RARA: variants seen among roughly 807,000 people sequenced by gnomAD.
The protein encoded by RARA is retinoic acid receptor alpha.
RARA carries 5 observed loss-of-function variants against 42.8 expected under a neutral mutation model. The ratio of observed to expected loss-of-function variants is 0.12; its 90% CI spans 0.06 to 0.25. RARA has a LOEUF of 0.25. Ranked by LOEUF, RARA falls within the 10% of genes least tolerant of loss-of-function variation. The probability of loss-of-function intolerance (pLI) is 1.00; values close to 1 mark genes in which losing one functional copy is unlikely to be tolerated. For missense variants in RARA, 402 were observed against 628.7 expected, an observed-to-expected ratio of 0.64 and a Z score of 3.86; for synonymous variants, 256 against 259.5, an observed-to-expected ratio of 0.99 and a Z score of 0.13.
At chr17:40,327,449 G>A (rs2033578345) in intron 1 of RARA, among the ~76,000 whole-genome samples, 1 of 152,242 alleles carries the variant, frequency 6.6e-6, no homozygotes, top group African/African-American at 2.4e-5. Context: ...GGGCCCACAG[G>A]GAGGACCTCA....
At chr17:40,333,281 C>T (rs1180026142) in intron 2 of RARA, among the ~76,000 whole-genome samples, 1 of 152,170 alleles carries the variant, frequency 6.6e-6, no homozygotes, top group East Asian at 1.9e-4. Flanking sequence ...AACTCCTGAC[C>T]TCATGATCCG....
At chr17:40,312,481 C>T (rs1394675387) in intron 1 of RARA, among the ~76,000 whole-genome samples, 2 of 152,222 alleles carry the variant, frequency 1.3e-5, no homozygotes, top group Non-Finnish European at 2.9e-5. Context: ...GCGAGAAAGG[C>T]TGCAGGGACT....
At chr17:40,325,498 G>A (rs985900778) in intron 1 of RARA, among the ~76,000 whole-genome samples, 28 of 152,166 alleles carry the variant, frequency 1.8e-4, no homozygotes, top group African/African-American at 6.8e-4. Flanking sequence ...GCGCTGGGGA[G>A]GGGAGAGGTT....
intron 1 of RARA, among the ~76,000 whole-genome samples, chr17:40,315,136 A>ATG (rs1386918308): frequency 2.1e-5 from 1 of 47,546 alleles, no homozygotes; most frequent in Non-Finnish European, 4.1e-5. Flanking sequence ...ATATGTGTAT[A>ATG]TATATATATA....
chr17:40,353,926 C>T (rs1490325658), intron 6 of RARA, among the ~76,000 whole-genome samples: 1 of 152,184 alleles, frequency 6.6e-6, no homozygotes, highest in Non-Finnish European at 1.5e-5. Flanking sequence ...CCCAGTGTTC[C>T]TTAGCTCCTA....
Position 40,349,793 on chromosome 17 carries a change from C to A in RARA, c.337C>A (p.Arg113Ser). 6.2e-7 allele frequency: 1 copy of A among 1,614,132 alleles called. No individual in the cohort carries two copies. The part of the protein sequence containing the change: ...SACEGCKGFF[R>S]RSIQKNMVYT... ...TCCCCTCCATACCCAGGGCTTCTTCCGCCGCAGCATCCAGAAGAACATGGT... is the reference window on the plus strand; with the variant it reads ...TCCCCTCCATACCCAGGGCTTCTTCAGCCGCAGCATCCAGAAGAACATGGT... The change falls in exon 4 of 9, where the codon CGC becomes AGC. Residue 113 changes from arginine (R) to serine (S), a missense_variant. Arg to Ser is a moderately radical substitution (Grantham distance 110). Coordinates refer to ENST00000254066, the MANE Select transcript of RARA (RefSeq NM_000964.4).
At position 40,345,834 on chromosome 17, in the gene RARA, G is replaced by A. The variant is rs1198837851; in HGVS notation, c.179-2482G>A. ...GTCCTAACTCTTGCAGAGGCTGTGA[G>A]GATTCCGGAGTTCCCCACACCTCCG... On this transcript the variant is annotated intron_variant, in intron 2 of 8. Transcript: ENST00000254066. This position sits in a 1 kb window ranked among gnomAD's most constrained non-coding sequence, Gnocchi z 4.8. 6.6e-6 allele frequency among the ~76,000 whole-genome samples: 1 copy of A among 152,184 alleles called. No homozygotes were observed. Among genetic ancestry groups the A allele is most frequent in the Non-Finnish European group, 1.5e-5 (1 of 68,018 alleles).
intron 2 of RARA, among the ~76,000 whole-genome samples, chr17:40,339,095 G>A (rs975169384): frequency 6.6e-6 from 1 of 152,198 alleles, no homozygotes; most frequent in South Asian, 2.1e-4. Context: ...GTTAGGCCAC[G>A]GTCGCCTGCT....
chr17:40,341,099 A>G (rs1369788331), intron 2 of RARA: 1 of 402,972 alleles, frequency 2.5e-6, no homozygotes, highest in Non-Finnish European at 4.4e-6. Context: ...CTCCAGGGGT[A>G]TCCCCTCTTT....
At position 40,354,875 on chromosome 17, in the gene RARA, A is replaced by G. The variant is rs933371043; in HGVS notation, c.1012+369A>G. ...ATTACGGTGGTAACAGATACTGTGCAGGTGCCCAGAGCGAGCTCCAGTGCT... is the reference window on the plus strand; with the variant it reads ...ATTACGGTGGTAACAGATACTGTGCGGGTGCCCAGAGCGAGCTCCAGTGCT... On this transcript the variant is annotated intron_variant, in intron 7 of 8. Transcript: ENST00000254066. This position sits in a 1 kb window ranked among gnomAD's most constrained non-coding sequence, Gnocchi z 4.5. Among the ~76,000 whole-genome samples the G allele has an allele frequency of 1.3e-5, 2 of 152,198 alleles. No homozygotes were observed. The highest frequency in any genetic ancestry group is 4.8e-5 in the African/African-American group (2 of 41,436).
chr17:40,334,620 G>A (rs1190917633), intron 2 of RARA, among the ~76,000 whole-genome samples: 1 of 152,232 alleles, frequency 6.6e-6, no homozygotes, highest in Non-Finnish European at 1.5e-5. Flanking sequence ...CTGGTGCTGA[G>A]GGTGAGGCAG....
chr17:40,347,738 ACT>A (rs2034312946), intron 2 of RARA, among the ~76,000 whole-genome samples: 1 of 146,348 alleles, frequency 6.8e-6, no homozygotes, highest in South Asian at 2.1e-4. Context: ...AGCATTTGTG[ACT>A]CTTCTTTGCA....
In RARA at chr17:40,345,503, C is replaced by T. The variant is rs1330986032; in HGVS notation, c.179-2813C>T. On this transcript the variant is annotated intron_variant, in intron 2 of 8. Transcript: ENST00000254066. The surrounding 1 kb of genome is among the most constrained non-coding windows in gnomAD (Gnocchi z 4.8). Reference sequence around the variant, plus strand: ...CGAACGGCTCGGGGGCGTGGGGAATCCGGAGTGGAGCGCTCTGCGCCGCCC... The same window carrying T: ...CGAACGGCTCGGGGGCGTGGGGAATTCGGAGTGGAGCGCTCTGCGCCGCCC... Among the ~76,000 whole-genome samples the T allele has an allele frequency of 6.6e-6, 1 of 152,204 alleles. No individual in the cohort carries two copies. Among genetic ancestry groups the T allele is most frequent in the Admixed American group, 6.5e-5 (1 of 15,288 alleles).
chr17:40,346,872 G>C (rs569109678), intron 2 of RARA, among the ~76,000 whole-genome samples: 6 of 152,348 alleles, frequency 3.9e-5, no homozygotes, highest in African/African-American at 1.4e-4. Flanking sequence ...GGCCATAGCA[G>C]TGCTGGTCAG....
intron 2 of RARA, chr17:40,342,618 T>C: frequency 1.3e-6 from 2 of 1,512,816 alleles, no homozygotes; most frequent in Non-Finnish European, 1.8e-6. Context: ...CTCCCCCAGC[T>C]GCTCTGCTCG....
chr17:40,325,008 T>A (rs2033496253), intron 1 of RARA, among the ~76,000 whole-genome samples: 1 of 151,836 alleles, frequency 6.6e-6, no homozygotes, highest in South Asian at 2.1e-4. Flanking sequence ...ATCCCAGCAC[T>A]TTGGGAGGCC....
Position 40,357,264 on chromosome 17 carries a change from C to T in RARA, c.*1038C>T. ...TGAAGGGGCTGGCCAGGGGCCCGAG[C>T]TGCCCCCACCCCCGGCCTCAGCCAC... On this transcript the variant is annotated 3_prime_UTR_variant, in exon 9 of 9. Coordinates refer to ENST00000254066, the MANE Select transcript of RARA (RefSeq NM_000964.4). 4.2e-6 allele frequency: 1 copy of T among 237,096 alleles called. No homozygotes were observed. Among genetic ancestry groups the T allele is most frequent in the Non-Finnish European group, 8.3e-6 (1 of 120,458 alleles). 14.7% of individuals were successfully genotyped at this position (237,096 alleles called of 1,614,324 possible). A position where few individuals can be genotyped will look rare whatever the true frequency, so the allele number is the denominator to read the frequency against.
At chr17:40,319,277 C>T (rs995906452) in intron 1 of RARA, among the ~76,000 whole-genome samples, 3 of 152,116 alleles carry the variant, frequency 2.0e-5, no homozygotes, top group African/African-American at 7.2e-5. Context: ...AGACAGGCCT[C>T]CAGTGTGCTA....
chr17:40,325,296 T>TAAATAAAA (rs1555570457), intron 1 of RARA, among the ~76,000 whole-genome samples: 77 of 149,312 alleles, frequency 5.2e-4, no homozygotes, highest in African/African-American at 1.2e-3. Flanking sequence ...AATAAATAAA[T>TAAATAAAA]AAAAAGAGGC....
Sources: allele counts gnomAD v4.1 joint callset (sites outside exome capture counted in the v4.1 genomes callset), GRCh38; gene constraint gnomAD v4.1.1; non-coding constraint Gnocchi (gnomAD v3.1); transcripts MANE v1.5; gene names NCBI Gene and HGNC (gene_info 2026-07-23, HGNC 2026-07-21).